The following ABI3BP variants were observed in gnomAD, a reference collection of about 807,000 sequenced individuals.
ABI3BP encodes target of Nesh-SH3.
A neutral mutation model predicts 268.6 loss-of-function variants in ABI3BP; 216 were observed. The ratio of observed to expected loss-of-function variants is 0.80; its 90% CI spans 0.72 to 0.90. The LOEUF (loss-of-function observed/expected upper bound fraction) is 0.90, where lower values mean the gene tolerates loss of function less well. ABI3BP is among the 40% of genes least tolerant of loss of function. ABI3BP has a pLI of 0.00. For missense variants in ABI3BP, 2,090 were observed against 2,182.4 expected, an observed-to-expected ratio of 0.96 and a Z score of 0.84; for synonymous variants, 730 against 730.0, an observed-to-expected ratio of 1.00 and a Z score of 0.00.
At position 100,830,473 on chromosome 3, in the gene ABI3BP, AAC is replaced by A. The variant is rs951923247; in HGVS notation, c.2458+103_2458+104del. On this transcript the variant is annotated intron_variant, in intron 32 of 67. Transcript: ENST00000471714. ...TAAGAAGTAATGAATAATAGAGGAT[AAC>A]ACAGAAGCCTTGTGAAGCGGGAGAA... The A allele has an allele frequency of 3.2e-6, 3 of 932,772 alleles. No homozygotes were observed. The African/African-American group carries it at 5.0e-5, about 16-fold the overall frequency. The allele number at this position is 932,772 out of a possible 1,614,324, so 57.8% of individuals were successfully genotyped here. A position where few individuals can be genotyped will look rare whatever the true frequency, so the allele number is the denominator to read the frequency against.
chr3:100,837,238 T>A, intron 26 of ABI3BP, 67 bp from the exon 27 acceptor site: 1 of 1,308,676 alleles, frequency 7.6e-7, no homozygotes, highest in South Asian at 1.4e-5. Flanking sequence ...TGGGTGCTCA[T>A]TGGTGTTTAA....
intron 63 of ABI3BP, among the ~76,000 whole-genome samples, chr3:100,759,688 AGTT>A (rs1256923198): frequency 1.3e-5 from 2 of 152,198 alleles, no homozygotes; most frequent in Admixed American, 6.5e-5. Flanking sequence ...GAGAGGGAAT[AGTT>A]GTTCTCTTTA....
chr3:100,777,136 C>T (rs981304243), intron 59 of ABI3BP, among the ~76,000 whole-genome samples: 4 of 152,238 alleles, frequency 2.6e-5, no homozygotes, highest in African/African-American at 7.2e-5. Context: ...GGACGTCCTA[C>T]AAGCTCCATC....
chr3:100,874,980 A>ATTTTATGTCATGATGCAC, intron 8 of ABI3BP, 47 bp from the exon 9 acceptor site: 1 of 1,076,498 alleles, frequency 9.3e-7, no homozygotes, highest in Non-Finnish European at 1.4e-6. Flanking sequence ...AAAGTGCATC[A>ATTTTATGTCATGATGCAC]TGACATAAAA....
chr3:100,763,024 C>T (rs2096060695), intron 63 of ABI3BP, among the ~76,000 whole-genome samples: 1 of 152,078 alleles, frequency 6.6e-6, no homozygotes, highest in Admixed American at 6.5e-5. Context: ...TGAACCATAC[C>T]AAATTCTTAA....
intron 29 of ABI3BP, among the ~76,000 whole-genome samples, chr3:100,833,963 C>T (rs995346606): frequency 5.3e-5 from 8 of 152,126 alleles, no homozygotes; most frequent in African/African-American, 1.9e-4. Context: ...AATAAATCTA[C>T]AGGCTCTACA....
At chr3:100,964,624 C>T (rs1405499001) in intron 1 of ABI3BP, among the ~76,000 whole-genome samples, 1 of 152,152 alleles carries the variant, frequency 6.6e-6, no homozygotes, top group African/African-American at 2.4e-5. Context: ...CTTTTTGCCT[C>T]GCTAGAATGT....
chr3:100,842,986 T>G (rs1049487612), intron 20 of ABI3BP, among the ~76,000 whole-genome samples: 2 of 152,214 alleles, frequency 1.3e-5, no homozygotes, highest in African/African-American at 2.4e-5. Flanking sequence ...AATATTAGAC[T>G]TATCAGGAAT....
intron 1 of ABI3BP, among the ~76,000 whole-genome samples, chr3:100,957,358 C>A (rs1201246576): frequency 6.6e-6 from 1 of 152,012 alleles, no homozygotes; most frequent in Non-Finnish European, 1.5e-5. Context: ...GACTACAGGA[C>A]AGGAAAATAT....
In ABI3BP at chr3:100,828,375, A is replaced by G; in HGVS notation, c.2602+18T>C. 4.6e-6 allele frequency: 7 copies of G among 1,526,932 alleles called. No individual in the cohort carries two copies. The highest frequency in any genetic ancestry group is 6.1e-6 in the Non-Finnish European group (7 of 1,138,780). 94.6% of individuals were successfully genotyped at this position (1,526,932 alleles called of 1,614,324 possible). A position where few individuals can be genotyped will look rare whatever the true frequency, so the allele number is the denominator to read the frequency against. On this transcript the variant is annotated intron_variant, in intron 34 of 67. Transcript: ENST00000471714. ...TGAGCAGAAAAAGCACTTGCTGAAG[A>G]TCAAAAAGTGGCATTACCGAATGTT...
chr3:100,822,759 G>T, intron 37 of ABI3BP, 87 bp from the exon 38 acceptor site: 2 of 1,143,358 alleles, frequency 1.7e-6, no homozygotes, highest in Non-Finnish European at 2.5e-6. Flanking sequence ...TGACTCTACT[G>T]CTTGATAGAT....
At chr3:100,850,922 A>G (rs997944237) in intron 15 of ABI3BP, among the ~76,000 whole-genome samples, 188 bp from the exon 16 acceptor site, 1 of 152,200 alleles carries the variant, frequency 6.6e-6, no homozygotes, top group Non-Finnish European at 1.5e-5. Flanking sequence ...AAAAACATAC[A>G]TACTTTAAAT....
At chr3:100,809,620 C>G (rs1321963043) in intron 49 of ABI3BP, among the ~76,000 whole-genome samples, 4 of 151,968 alleles carry the variant, frequency 2.6e-5, no homozygotes, top group African/African-American at 9.7e-5. Context: ...TAGGCAACAT[C>G]TAGTAGGATA....
chr3:100,781,336 C>G (rs1560042212), intron 57 of ABI3BP, among the ~76,000 whole-genome samples: 1 of 151,988 alleles, frequency 6.6e-6, no homozygotes, highest in Non-Finnish European at 1.5e-5. Flanking sequence ...AGGGGATGAA[C>G]CTAATATTGC....
intron 1 of ABI3BP, among the ~76,000 whole-genome samples, chr3:100,951,106 G>A (rs1185746114): frequency 6.6e-6 from 1 of 151,922 alleles, no homozygotes; most frequent in Non-Finnish European, 1.5e-5. Context: ...TTCTAAAAAT[G>A]TCTGAGACAA....
chr3:100,840,865 C>G lies in ABI3BP; in HGVS notation c.1766-7G>C. 1.3e-6 allele frequency: 2 copies of G among 1,531,938 alleles called. No individual in the cohort carries two copies. The highest frequency in any genetic ancestry group is 1.7e-6 in the Non-Finnish European group (2 of 1,144,562). 94.9% of individuals were successfully genotyped at this position (1,531,938 alleles called of 1,614,324 possible). Reference sequence around the variant, plus strand: ...GTTCCTGGTGTTTCAGGTCCTAAGACAATGTGAAAAAATCACCAAGAAAGA... The same window carrying G: ...GTTCCTGGTGTTTCAGGTCCTAAGAGAATGTGAAAAAATCACCAAGAAAGA... On this transcript the variant is annotated splice_region_variant and splice_polypyrimidine_tract_variant and intron_variant, in intron 21 of 67. Coordinates refer to ENST00000471714, the MANE Select transcript of ABI3BP (RefSeq NM_001375547.2).
chr3:100,825,683 G>T, intron 35 of ABI3BP, 102 bp downstream of exon 35: 2 of 899,736 alleles, frequency 2.2e-6, no homozygotes, highest in South Asian at 1.4e-5. Context: ...TTGCTATTTT[G>T]TAGAGGAAGA....
intron 63 of ABI3BP, among the ~76,000 whole-genome samples, chr3:100,758,730 A>G (rs1210819768): frequency 1.3e-5 from 2 of 152,214 alleles, no homozygotes; most frequent in South Asian, 4.1e-4. Flanking sequence ...TTTGACACCA[A>G]CAGTTTGAGA....
chr3:100,900,549 A>G (rs1189119803), intron 3 of ABI3BP, among the ~76,000 whole-genome samples: 1 of 152,248 alleles, frequency 6.6e-6, no homozygotes, highest in Non-Finnish European at 1.5e-5. Context: ...GATGAAAGAC[A>G]TATTTTTCAT....
Sources: gnomAD v4.1 joint callset for allele counts (sites outside exome capture counted in the v4.1 genomes callset) on GRCh38, gnomAD v4.1.1 for gene constraint, MANE v1.5 for transcripts, NCBI Gene and HGNC (gene_info 2026-07-23, HGNC 2026-07-21) for gene names.